The following NRXN3 variants were observed in gnomAD, a reference collection of about 807,000 sequenced individuals.
NRXN3 encodes neurexin 3.
NRXN3 carries 32 observed loss-of-function variants against 137.6 expected under a neutral mutation model. That is an observed-to-expected ratio of 0.23 (90% CI 0.18 to 0.31). The LOEUF (loss-of-function observed/expected upper bound fraction) is 0.31, where lower values mean the gene tolerates loss of function less well. NRXN3 is among the 10% of genes least tolerant of loss of function. The pLI, the probability that NRXN3 is intolerant of heterozygous loss-of-function variation, is 1.00. For synonymous variants in NRXN3, 798 were observed against 784.5 expected (o/e 1.02, Z -0.29); for missense variants, 1,574 against 2,062.5 (o/e 0.76, Z 4.59).
intron 20 of NRXN3, among the ~76,000 whole-genome samples, chr14:79,846,250 A>G (rs892308531): frequency 1.3e-5 from 2 of 152,222 alleles, no homozygotes; most frequent in African/African-American, 4.8e-5. Context: ...ACAGTAAAGC[A>G]AAGCACAATA....
intron 15 of NRXN3, among the ~76,000 whole-genome samples, chr14:79,204,337 C>T (rs554063176): frequency 6.6e-6 from 1 of 151,710 alleles, no homozygotes; most frequent in African/African-American, 2.4e-5. Flanking sequence ...TTCTCCCTCA[C>T]CCTCCCTCTT....
At chr14:79,448,700 T>C (rs1441733165) in intron 15 of NRXN3, among the ~76,000 whole-genome samples, 1 of 152,214 alleles carries the variant, frequency 6.6e-6, no homozygotes, top group Admixed American at 6.5e-5. Flanking sequence ...TAGAGCAACC[T>C]GTGTCTGTGT....
chr14:78,247,223 T>C (rs1235410423), intron 2 of NRXN3, among the ~76,000 whole-genome samples: 1 of 152,178 alleles, frequency 6.6e-6, no homozygotes, highest in Non-Finnish European at 1.5e-5. Context: ...CCAGGAAGAA[T>C]GTGCAGGCCC....
At chr14:79,831,514 A>T (rs1322282291) in intron 20 of NRXN3, among the ~76,000 whole-genome samples, 7 of 152,188 alleles carry the variant, frequency 4.6e-5, no homozygotes, top group African/African-American at 1.7e-4. Flanking sequence ...CTTAGATATC[A>T]AGTTTCTATG....
At position 78,820,135 on chromosome 14, in the gene NRXN3, C is replaced by A. The variant is rs542010497; in HGVS notation, c.2275+9791C>A. Among the ~76,000 whole-genome samples the A allele has an allele frequency of 8.6e-5, 13 of 151,834 alleles. No homozygotes were observed. The South Asian group carries it at 2.5e-3, about 29-fold the overall frequency. ...CATTTGGTAAGCTAATATTATTAAC[C>A]TAAATTCTTTATTCTTGTTTGGTAA... On this transcript the variant is annotated intron_variant, in intron 10 of 20. Coordinates refer to ENST00000335750, the MANE Select transcript of NRXN3 (RefSeq NM_001330195.2).
At chr14:78,937,544 C>A (rs1192011736) in intron 10 of NRXN3, among the ~76,000 whole-genome samples, 4 of 152,082 alleles carry the variant, frequency 2.6e-5, no homozygotes, top group Non-Finnish European at 4.4e-5. Context: ...AATTTGTGTT[C>A]TTCTTTTCAA....
chr14:79,851,933 T>G (rs2099392336), intron 20 of NRXN3, among the ~76,000 whole-genome samples: 1 of 152,094 alleles, frequency 6.6e-6, no homozygotes, highest in Non-Finnish European at 1.5e-5. Context: ...TTACAGACAC[T>G]GATATTGTAC....
intron 12 of NRXN3, among the ~76,000 whole-genome samples, chr14:78,966,929 C>A (rs1462823026): frequency 1.3e-5 from 2 of 152,032 alleles, no homozygotes; most frequent in Non-Finnish European, 2.9e-5. Flanking sequence ...AAAAGTCACC[C>A]CCTTATGTTT....
chr14:79,534,162 A>G (rs989938704), intron 16 of NRXN3, among the ~76,000 whole-genome samples: 3 of 152,174 alleles, frequency 2.0e-5, no homozygotes, highest in Non-Finnish European at 4.4e-5. Flanking sequence ...ACTACAGGTG[A>G]AAACTTTGAA....
At chr14:79,713,393 A>C (rs1261512401) in intron 19 of NRXN3, among the ~76,000 whole-genome samples, 4 of 148,368 alleles carry the variant, frequency 2.7e-5, no homozygotes, top group African/African-American at 9.8e-5. Context: ...ACACACACAT[A>C]CACACAAAAA....
intron 20 of NRXN3, 103 bp downstream of exon 20, chr14:79,805,293 T>C (rs1464987205): frequency 9.9e-6 from 6 of 604,282 alleles, no homozygotes; most frequent in African/African-American, 1.9e-5. Flanking sequence ...TAGATTATAG[T>C]GTGTTAATGT....
Position 78,715,066 on chromosome 14 carries a change from G to A in NRXN3, c.1971G>A (p.Val657=), listed in dbSNP as rs937604771. ...CDSYPCKNNA[V]CKDGWNRFIC... is the part of the protein sequence containing the mutation. ...GCTACCCCTGCAAGAATAATGCTGT[G>A]TGCAAGGACGGCTGGAACCGCTTCA... Residue 657 remains valine (V), a synonymous_variant, in exon 8 of 21, where the codon GTG becomes GTA. Transcript: ENST00000335750. 1.2e-6 allele frequency: 2 copies of A among 1,613,652 alleles called. No individual in the cohort carries two copies. The highest frequency in any genetic ancestry group is 3.3e-5 in the Admixed American group (2 of 60,034).
intron 19 of NRXN3, among the ~76,000 whole-genome samples, chr14:79,708,378 G>A (rs2098789582): frequency 6.6e-6 from 1 of 151,966 alleles, no homozygotes; most frequent in Non-Finnish European, 1.5e-5. Context: ...TCCATGGGAG[G>A]TCCTGGAACC....
intron 15 of NRXN3, among the ~76,000 whole-genome samples, chr14:79,219,973 G>A (rs2069250897): frequency 6.6e-6 from 1 of 152,130 alleles, no homozygotes; most frequent in Non-Finnish European, 1.5e-5. Flanking sequence ...TGCTTTATTA[G>A]TATACTTATG....
At chr14:79,619,287 G>A (rs149648479) in intron 16 of NRXN3, among the ~76,000 whole-genome samples, 11 of 152,208 alleles carry the variant, frequency 7.2e-5, no homozygotes, top group African/African-American at 1.7e-4. Context: ...CAAGGCCAAC[G>A]TTCTAAATGG....
At chr14:79,269,829 A>G (rs1159179248) in intron 15 of NRXN3, among the ~76,000 whole-genome samples, 2 of 152,208 alleles carry the variant, frequency 1.3e-5, no homozygotes, top group Non-Finnish European at 2.9e-5. Context: ...TTAAAATAGA[A>G]ACATAAAATT....
intron 16 of NRXN3, among the ~76,000 whole-genome samples, chr14:79,516,767 T>C (rs1398298421): frequency 6.6e-6 from 1 of 152,206 alleles, no homozygotes; most frequent in Non-Finnish European, 1.5e-5. Context: ...ACTGTATATA[T>C]AATTCTGCAT....
chr14:79,524,239 C>T (rs904906980), intron 16 of NRXN3, among the ~76,000 whole-genome samples: 2 of 152,206 alleles, frequency 1.3e-5, no homozygotes, highest in African/African-American at 4.8e-5. Flanking sequence ...GGGGGGATAA[C>T]CTCATGGTTG....
intron 15 of NRXN3, chr14:79,280,151 A>T: frequency 1.4e-6 from 2 of 1,481,236 alleles, no homozygotes; most frequent in Admixed American, 2.3e-5. Flanking sequence ...CATTGTTTGG[A>T]AAGCGCATAT....
Sources: allele counts gnomAD v4.1 joint callset (sites outside exome capture counted in the v4.1 genomes callset), GRCh38; gene constraint gnomAD v4.1.1; transcripts MANE v1.5; gene names NCBI Gene and HGNC (gene_info 2026-07-23, HGNC 2026-07-21).